KCNQ5: variants seen among roughly 807,000 people sequenced by gnomAD.
The protein encoded by KCNQ5 is potassium voltage-gated channel subfamily KQT member 5.
A neutral mutation model predicts 98.2 loss-of-function variants in KCNQ5; 30 were observed. The observed-to-expected ratio is 0.31, with a 90% CI of 0.23 to 0.41. The LOEUF (loss-of-function observed/expected upper bound fraction) is 0.41. Among genes scored for constraint, KCNQ5 ranks in the 10% least tolerant of loss-of-function variants. The probability of loss-of-function intolerance (pLI) is 1.00; values close to 1 mark genes in which losing one functional copy is unlikely to be tolerated. For synonymous variants in KCNQ5, 458 were observed against 449.4 expected, an observed-to-expected ratio of 1.02 and a Z score of -0.24; for missense variants, 835 against 1,182.5, an observed-to-expected ratio of 0.71 and a Z score of 4.31.
At chr6:72,673,638 G>A (rs1767254047) in intron 1 of KCNQ5, among the ~76,000 whole-genome samples, 1 of 152,126 alleles carries the variant, frequency 6.6e-6, no homozygotes, top group African/African-American at 2.4e-5. Flanking sequence ...GGTAAGGCAA[G>A]GAAGGAGGAC....
intron 1 of KCNQ5, among the ~76,000 whole-genome samples, chr6:72,867,459 G>C (rs1271062852): frequency 6.6e-6 from 1 of 152,182 alleles, no homozygotes; most frequent in Non-Finnish European, 1.5e-5. Context: ...ACCTGCATTA[G>C]TGCTGTGTGT....
At chr6:72,885,911 G>A (rs1398684561) in intron 1 of KCNQ5, among the ~76,000 whole-genome samples, 2 of 152,226 alleles carry the variant, frequency 1.3e-5, no homozygotes, top group African/African-American at 4.8e-5. Flanking sequence ...GATCTCACTG[G>A]AGGGAGGAAA....
At chr6:73,055,454 C>A in intron 3 of KCNQ5, 1 of 1,547,188 alleles carries the variant, frequency 6.5e-7, no homozygotes. Context: ...TGATGTCCCA[C>A]CACCTCCGAT....
At chr6:72,695,630 TATA>T (rs1467672287) in intron 1 of KCNQ5, among the ~76,000 whole-genome samples, 1 of 152,150 alleles carries the variant, frequency 6.6e-6, no homozygotes, top group Non-Finnish European at 1.5e-5. Flanking sequence ...GTTTATAATA[TATA>T]ATATTACGTA....
intron 10 of KCNQ5, among the ~76,000 whole-genome samples, chr6:73,168,514 C>A (rs1777886502): frequency 2.0e-5 from 3 of 152,078 alleles, no homozygotes; most frequent in Admixed American, 2.0e-4. Flanking sequence ...ACCAGCCTGG[C>A]CAACATGGTG....
intron 1 of KCNQ5, among the ~76,000 whole-genome samples, chr6:72,873,581 A>G (rs997765154): frequency 6.6e-6 from 1 of 152,156 alleles, no homozygotes; most frequent in Non-Finnish European, 1.5e-5. Context: ...GTGATTTATT[A>G]CTGAGTAAGG....
intron 3 of KCNQ5, chr6:73,043,097 G>T (rs1454525715): frequency 4.8e-6 from 2 of 416,780 alleles, no homozygotes; most frequent in Non-Finnish European, 1.0e-5. Context: ...AATCTTCTCA[G>T]TTTCCTCCCT....
At chr6:73,034,102 A>G (rs1055830898) in intron 2 of KCNQ5, among the ~76,000 whole-genome samples, 1 of 152,168 alleles carries the variant, frequency 6.6e-6, no homozygotes, top group Admixed American at 6.5e-5. Flanking sequence ...TCTTAATTTC[A>G]TTCCCCTAAT....
Position 73,194,462 on chromosome 6 carries a change from T to C in KCNQ5, c.1847T>C (p.Ile616Thr), listed in dbSNP as rs1385944482. 2.5e-6 allele frequency: 4 copies of C among 1,613,112 alleles called. No individual in the cohort carries two copies. Among genetic ancestry groups the C allele is most frequent in the Non-Finnish European group, 3.4e-6 (4 of 1,179,268 alleles). ...TTTCCTCACTTCTAGGTACAGTCCA[T>C]AGAATCCAAGCTGGACTGCCTACTA... ...VVKVEKQVQSIESKLDCLLDI... is the reference protein window; with the variant it reads ...VVKVEKQVQSTESKLDCLLDI... The change falls in exon 14 of 14, where the codon ATA becomes ACA. Residue 616 changes from isoleucine (I) to threonine (T), a missense_variant. This residue lies in a region of KCNQ5 where 416 missense variants were observed against 446.9 expected (regional missense o/e 0.93). Transcript: ENST00000370398.
intron 1 of KCNQ5, among the ~76,000 whole-genome samples, chr6:72,707,437 A>T (rs1047473044): frequency 1.3e-5 from 2 of 152,166 alleles, no homozygotes; most frequent in African/African-American, 4.8e-5. Flanking sequence ...TCAGAATTTT[A>T]AAAATGACGT....
chr6:73,087,589 C>A (rs898993948), intron 5 of KCNQ5, among the ~76,000 whole-genome samples: 6 of 151,598 alleles, frequency 4.0e-5, no homozygotes, highest in Non-Finnish European at 7.4e-5. Flanking sequence ...TTTAAGATCA[C>A]CTGGAAAGAG....
At chr6:72,683,862 T>C (rs546642305) in intron 1 of KCNQ5, among the ~76,000 whole-genome samples, 1 of 152,220 alleles carries the variant, frequency 6.6e-6, no homozygotes, top group African/African-American at 2.4e-5. Flanking sequence ...CTGGAGCTTA[T>C]AATTTTATAA....
At chr6:72,673,797 C>A (rs536136197) in intron 1 of KCNQ5, among the ~76,000 whole-genome samples, 69 of 152,278 alleles carry the variant, frequency 4.5e-4, no homozygotes, top group African/African-American at 1.5e-3. Flanking sequence ...CTATCTGATA[C>A]CTTTACTTTG....
chr6:72,817,615 C>G (rs905301983), intron 1 of KCNQ5, among the ~76,000 whole-genome samples: 3 of 152,068 alleles, frequency 2.0e-5, no homozygotes, highest in Non-Finnish European at 4.4e-5. Flanking sequence ...AACTGAGGGC[C>G]GAGCTCAGTT....
intron 2 of KCNQ5, among the ~76,000 whole-genome samples, chr6:73,028,930 G>A (rs1236585709): frequency 2.6e-5 from 4 of 152,152 alleles, no homozygotes; most frequent in African/African-American, 9.7e-5. Context: ...AGGGTTTCAA[G>A]TTACTGTGGC....
chr6:72,643,354 T>C (rs189972199), intron 1 of KCNQ5, among the ~76,000 whole-genome samples: 1 of 152,260 alleles, frequency 6.6e-6, no homozygotes, highest in Admixed American at 6.5e-5. Context: ...ACCCTGCAGT[T>C]ATTTAACCCT....
intron 1 of KCNQ5, among the ~76,000 whole-genome samples, chr6:72,801,084 G>A (rs1774624296): frequency 6.6e-6 from 1 of 152,052 alleles, no homozygotes; most frequent in Non-Finnish European, 1.5e-5. Context: ...GTGTGGTGCT[G>A]AAAAAAATGT....
chr6:72,888,150 G>A (rs1273009034), intron 1 of KCNQ5, among the ~76,000 whole-genome samples: 1 of 152,036 alleles, frequency 6.6e-6, no homozygotes, highest in Admixed American at 6.5e-5. Flanking sequence ...TTAAAATTTG[G>A]CAGAACTACA....
intron 7 of KCNQ5, among the ~76,000 whole-genome samples, chr6:73,111,759 G>C (rs777079082): frequency 1.2e-4 from 18 of 152,176 alleles, no homozygotes; most frequent in Non-Finnish European, 2.5e-4. Context: ...GCAGAACAGG[G>C]CATTGTTCCC....
Sources: gnomAD v4.1 joint callset for allele counts (sites outside exome capture counted in the v4.1 genomes callset) on GRCh38, gnomAD v4.1.1 for gene constraint, gnomAD v4.1.1 regional missense constraint, MANE v1.5 for transcripts, NCBI Gene and HGNC (gene_info 2026-07-23, HGNC 2026-07-21) for gene names.